Variants in GRIA4 observed in about 807,000 individuals in gnomAD.
GRIA4 encodes glutamate ionotropic receptor AMPA type subunit 4.
A neutral mutation model predicts 104.0 loss-of-function variants in GRIA4; 34 were observed. The observed-to-expected ratio is 0.33, with a 90% CI of 0.25 to 0.44. The LOEUF is 0.44. Ranked by LOEUF, GRIA4 falls within the 20% of genes least tolerant of loss-of-function variation. GRIA4 has a pLI of 1.00. For missense variants in GRIA4, 750 were observed against 1,096.5 expected (o/e 0.68, Z 4.46); for synonymous variants, 386 against 381.9 (o/e 1.01, Z -0.13).
intron 5 of GRIA4, among the ~76,000 whole-genome samples, chr11:105,863,493 A>G (rs975397516): frequency 1.3e-5 from 2 of 152,122 alleles, no homozygotes; most frequent in African/African-American, 2.4e-5. Context: ...AGTCCAAAAA[A>G]TTTTTGAAGT....
At chr11:105,670,786 A>T (rs1297773037) in intron 3 of GRIA4, among the ~76,000 whole-genome samples, 1 of 152,140 alleles carries the variant, frequency 6.6e-6, no homozygotes, top group African/African-American at 2.4e-5. Flanking sequence ...TGTGGCTGCC[A>T]TAACAAATTA....
intron 4 of GRIA4, among the ~76,000 whole-genome samples, chr11:105,820,469 C>T (rs774983840): frequency 7.2e-5 from 11 of 152,100 alleles, no homozygotes; most frequent in South Asian, 6.2e-4. Flanking sequence ...ATTTATTTGT[C>T]GGCTCCCCCA....
At chr11:105,754,582 T>C (rs1940194012) in intron 4 of GRIA4, among the ~76,000 whole-genome samples, 1 of 152,226 alleles carries the variant, frequency 6.6e-6, no homozygotes, top group Admixed American at 6.5e-5. Flanking sequence ...TATTGCATTA[T>C]TAACAATCCA....
At chr11:105,853,511 CCAAAATGTA>C (rs775622229) in intron 4 of GRIA4, among the ~76,000 whole-genome samples, 30 of 152,088 alleles carry the variant, frequency 2.0e-4, no homozygotes, top group Non-Finnish European at 4.1e-4. Context: ...TCTTTCAGGA[CCAAAATGTA>C]CAAAGTATAA....
chr11:105,851,109 A>T (rs1944792262), intron 4 of GRIA4, among the ~76,000 whole-genome samples: 1 of 152,182 alleles, frequency 6.6e-6, no homozygotes, highest in African/African-American at 2.4e-5. Context: ...TTAATACAAT[A>T]TTAAAGGTCA....
At chr11:105,800,341 C>T (rs891621019) in intron 4 of GRIA4, among the ~76,000 whole-genome samples, 2 of 152,006 alleles carry the variant, frequency 1.3e-5, no homozygotes, top group African/African-American at 4.8e-5. Flanking sequence ...CATTTACTAA[C>T]TAACTTTTAG....
At chr11:105,812,074 GA>G (rs779012215) in intron 4 of GRIA4, among the ~76,000 whole-genome samples, 8 of 152,236 alleles carry the variant, frequency 5.3e-5, no homozygotes, top group Non-Finnish European at 1.0e-4. Context: ...CAGGAGAAAA[GA>G]AAACAGACAA....
intron 2 of GRIA4, among the ~76,000 whole-genome samples, chr11:105,611,645 T>G (rs1950484800): frequency 6.6e-6 from 1 of 152,124 alleles, no homozygotes; most frequent in Non-Finnish European, 1.5e-5. Context: ...TTCTTGAAGC[T>G]TTTGCCCTTA....
intron 3 of GRIA4, among the ~76,000 whole-genome samples, chr11:105,653,968 A>T (rs1347023528): frequency 7.8e-6 from 1 of 128,834 alleles, no homozygotes; most frequent in African/African-American, 2.7e-5. Flanking sequence ...AAGAAAATGT[A>T]GTATGTATAT....
chr11:105,913,361 AT>A, intron 10 of GRIA4: 1 of 561,530 alleles, frequency 1.8e-6, no homozygotes, highest in Non-Finnish European at 2.3e-6. Context: ...TTTCATTTTA[AT>A]AATGAATTTA....
chr11:105,759,028 T>G (rs1160074510), intron 4 of GRIA4, among the ~76,000 whole-genome samples: 3 of 4,822 alleles, frequency 6.2e-4, no homozygotes, highest in Admixed American at 6.8e-3. Flanking sequence ...ATAATTTCCC[T>G]AATGTCATGA....
intron 4 of GRIA4, among the ~76,000 whole-genome samples, chr11:105,765,738 T>C (rs1940903787): frequency 6.6e-6 from 1 of 152,220 alleles, no homozygotes; most frequent in Admixed American, 6.6e-5. Flanking sequence ...TTTACATTTC[T>C]TTTTATGGCT....
At chr11:105,817,650 A>G (rs182667949) in intron 4 of GRIA4, among the ~76,000 whole-genome samples, 151 of 152,238 alleles carry the variant, frequency 9.9e-4, no homozygotes, top group African/African-American at 3.4e-3. Context: ...AATAATTACC[A>G]ATATTTTCTG....
chr11:105,668,222 A>ATATAC (rs60354032), intron 3 of GRIA4, among the ~76,000 whole-genome samples: 1 of 137,242 alleles, frequency 7.3e-6, no homozygotes, highest in South Asian at 2.3e-4. Context: ...ACACACATAT[A>ATATAC]ATATATATAT....
At chr11:105,664,497 T>C (rs1952108081) in intron 3 of GRIA4, among the ~76,000 whole-genome samples, 1 of 151,856 alleles carries the variant, frequency 6.6e-6, no homozygotes, top group Non-Finnish European at 1.5e-5. Flanking sequence ...CATAATTTCA[T>C]GTATAAATGA....
chr11:105,949,386 AC>A (rs1304356647), intron 14 of GRIA4, among the ~76,000 whole-genome samples: 1 of 152,150 alleles, frequency 6.6e-6, no homozygotes, highest in Non-Finnish European at 1.5e-5. Flanking sequence ...AGGTTAATTC[AC>A]TGTTATATCA....
chr11:105,851,458 A>G (rs185634667), intron 4 of GRIA4, among the ~76,000 whole-genome samples: 1 of 152,344 alleles, frequency 6.6e-6, no homozygotes, highest in Admixed American at 6.5e-5. Flanking sequence ...TAATTAATTC[A>G]GAGTAGCATG....
chr11:105,660,177 C>A (rs1316008538), intron 3 of GRIA4, among the ~76,000 whole-genome samples: 1 of 151,464 alleles, frequency 6.6e-6, no homozygotes, highest in African/African-American at 2.4e-5. Flanking sequence ...AAAGATAATT[C>A]CCTAGATCTC....
intron 3 of GRIA4, among the ~76,000 whole-genome samples, chr11:105,689,172 C>A (rs746886676): frequency 2.0e-5 from 3 of 152,038 alleles, no homozygotes; most frequent in Non-Finnish European, 4.4e-5. Context: ...ATTCATGACC[C>A]TGGTTATTTG....
Sources: gnomAD v4.1 joint callset for allele counts (sites outside exome capture counted in the v4.1 genomes callset) on GRCh38, gnomAD v4.1.1 for gene constraint, MANE v1.5 for transcripts, NCBI Gene and HGNC (gene_info 2026-07-23, HGNC 2026-07-21) for gene names.